RNF213: variants seen among roughly 807,000 people sequenced by gnomAD.
RNF213 encodes ring finger protein 213.
RNF213 carries 341 observed loss-of-function variants against 514.4 expected under a neutral mutation model. The ratio of observed to expected loss-of-function variants is 0.66; its 90% CI spans 0.61 to 0.73. The LOEUF is 0.73. Ranked by LOEUF, RNF213 falls within the 30% of genes least tolerant of loss-of-function variation. The probability of loss-of-function intolerance (pLI) is 0.00; values close to 1 mark genes in which losing one functional copy is unlikely to be tolerated. For synonymous variants in RNF213, 2,655 were observed against 2,658.2 expected, an observed-to-expected ratio of 1.00 and a Z score of 0.04; for missense variants, 5,767 against 6,615.6, an observed-to-expected ratio of 0.87 and a Z score of 4.45.
At position 80,363,158 on chromosome 17, in the gene RNF213, G is replaced by A. The variant is rs779622455; in HGVS notation, c.11412G>A (p.Ala3804=). Reference sequence around the variant, plus strand: ...GGAAACTGAAAGCGGCGTCAGAAGCGCCCGAGGAAGAGGTTTCCTTACCGT... The same window carrying A: ...GGAAACTGAAAGCGGCGTCAGAAGCACCCGAGGAAGAGGTTTCCTTACCGT... ...CTRKLKAASE[A]PEEEVSLPWV... Residue 3804 remains alanine, a synonymous_variant, in exon 40 of 68, where the codon GCG becomes GCA. Transcript: ENST00000582970. The A allele has an allele frequency of 1.1e-4, 174 of 1,614,230 alleles. 1 individual carries two copies. Among genetic ancestry groups the A allele is most frequent in the South Asian group, 8.2e-4 (75 of 91,086 alleles).
intron 63 of RNF213, among the ~76,000 whole-genome samples, chr17:80,388,169 T>A (rs975809463): frequency 1.3e-5 from 2 of 152,184 alleles, no homozygotes; most frequent in African/African-American, 4.8e-5. Context: ...TTTCACCATG[T>A]TAGCCAGGAT....
chr17:80,354,347 G>C (rs1184855857), intron 35 of RNF213, 94 bp from the exon 36 acceptor site: 33 of 1,595,080 alleles, frequency 2.1e-5, no homozygotes, highest in Non-Finnish European at 2.6e-5. Flanking sequence ...CCTGGCCAAC[G>C]GACTTCCCTT....
chr17:80,355,357 TGAACGG>T (rs2078703524), intron 36 of RNF213: 7 of 404,708 alleles, frequency 1.7e-5, no homozygotes, highest in African/African-American at 1.7e-4. Context: ...AGAAGCGGGG[TGAACGG>T]GAATGGGAGC....
intron 59 of RNF213, among the ~76,000 whole-genome samples, chr17:80,384,487 T>A (rs188891447): frequency 3.3e-4 from 51 of 152,292 alleles, no homozygotes; most frequent in African/African-American, 1.2e-3. Context: ...AACATTTCTC[T>A]CCATGGACTA....
chr17:80,360,329 CTTTG>C lies in RNF213; in HGVS notation c.11200+129_11200+132del, dbSNP rs146610940. 3.0e-3 allele frequency: 3,455 copies of C among 1,158,998 alleles called. 76 individuals are homozygous for C. The African/African-American group carries it at 0.045, about 15-fold the overall frequency. The allele number at this position is 1,158,998 out of a possible 1,614,324, so 71.8% of individuals were successfully genotyped here. ...AATTTTGGAGTTTTTAGTTTTCACACTTTGTTTGTGCAGTAAGCGTCCAATTTAC... is the reference window on the plus strand; with the variant it reads ...AATTTTGGAGTTTTTAGTTTTCACACTTTGTGCAGTAAGCGTCCAATTTAC... On this transcript the variant is annotated intron_variant, in intron 38 of 67. Coordinates refer to ENST00000582970, the MANE Select transcript of RNF213 (RefSeq NM_001256071.3).
chr17:80,344,412 T>G (rs2078246188), intron 28 of RNF213, among the ~76,000 whole-genome samples: 1 of 152,226 alleles, frequency 6.6e-6, no homozygotes, highest in Admixed American at 6.5e-5. Context: ...ACATACATAA[T>G]ACATGTATAG....
chr17:80,380,658 C>G (rs1449027582), intron 55 of RNF213, among the ~76,000 whole-genome samples, 173 bp from the exon 56 acceptor site: 4 of 152,156 alleles, frequency 2.6e-5, no homozygotes, highest in Admixed American at 1.3e-4. Context: ...ACCGGAAAGG[C>G]GAGTCTATCA....
intron 25 of RNF213, among the ~76,000 whole-genome samples, chr17:80,338,484 A>G (rs2078051868): frequency 6.6e-6 from 1 of 152,236 alleles, no homozygotes. Flanking sequence ...GTACTTTACA[A>G]ATGGTATCCT....
At chr17:80,274,969 G>T (rs111211101) in intron 3 of RNF213, among the ~76,000 whole-genome samples, 2 of 55,452 alleles carry the variant, frequency 3.6e-5, no homozygotes, top group East Asian at 7.5e-4. Context: ...TGTGTGTTGG[G>T]GTGTGTGTGT....
At chr17:80,351,948 G>A in intron 32 of RNF213, 145 bp downstream of exon 32, 1 of 544,936 alleles carries the variant, frequency 1.8e-6, no homozygotes, top group Non-Finnish European at 3.4e-6. Context: ...TCAATCTCCT[G>A]GGTTCAAGCG....
chr17:80,275,091 G>GGT (rs1263286656), intron 3 of RNF213, among the ~76,000 whole-genome samples: 1 of 142,278 alleles, frequency 7.0e-6, no homozygotes, highest in Non-Finnish European at 1.5e-5. Flanking sequence ...GGGTGTGTTG[G>GGT]GTGTGTGTGT....
intron 26 of RNF213, 36 bp downstream of exon 26, chr17:80,340,392 C>T: frequency 4.5e-6 from 7 of 1,552,920 alleles, no homozygotes; most frequent in Non-Finnish European, 6.1e-6. Flanking sequence ...GCCCCGTCTC[C>T]CAGGGACTGC....
At chr17:80,298,982 C>G (rs1401832320) in intron 11 of RNF213, among the ~76,000 whole-genome samples, 2 of 151,974 alleles carry the variant, frequency 1.3e-5, no homozygotes, top group East Asian at 3.9e-4. Context: ...CTGTCTAAAA[C>G]AAACAAACAA....
rs2078102980 is a variant in RNF213 at position 80,339,959 on chromosome 17, C to G, written c.5592C>G (p.Leu1864=). 6.5e-7 allele frequency: 1 copy of G among 1,537,100 alleles called. No homozygotes were observed. Among genetic ancestry groups the G allele is most frequent in the Non-Finnish European group, 8.7e-7 (1 of 1,146,922 alleles). The change falls in exon 26 of 68, where the codon CTC becomes CTG. Residue 1864 remains leucine, a synonymous_variant. Transcript: ENST00000582970. The part of the protein sequence containing the change: ...QPLPTYDEVL[L]CTPATTFEEV... ...TGCCCACTTACGATGAGGTGCTGCT[C>G]TGCACCCCGGCAACCACCTTTGAGG...
intron 3 of RNF213, among the ~76,000 whole-genome samples, chr17:80,277,776 C>T (rs994726424): frequency 2.0e-5 from 3 of 152,176 alleles, no homozygotes; most frequent in Non-Finnish European, 2.9e-5. Context: ...GCAGTGTATG[C>T]GTGAACGGTG....
chr17:80,332,757 G>T (rs1469960140), intron 21 of RNF213, 126 bp downstream of exon 21: 2 of 1,111,604 alleles, frequency 1.8e-6, no homozygotes, highest in Non-Finnish European at 2.5e-6. Context: ...AGGGGCTCCT[G>T]TGTGTGTGGT....
At chr17:80,312,044 C>A (rs901736923) in intron 14 of RNF213, among the ~76,000 whole-genome samples, 1 of 152,128 alleles carries the variant, frequency 6.6e-6, no homozygotes, top group African/African-American at 2.4e-5. Flanking sequence ...AGGAGGATCA[C>A]TTGAACCCAG....
intron 48 of RNF213, 63 bp from the exon 49 acceptor site, chr17:80,372,912 T>C: frequency 6.5e-7 from 1 of 1,546,312 alleles, no homozygotes; most frequent in East Asian, 2.4e-5. Flanking sequence ...TGGTTGGCCT[T>C]GTGTCCTACA....
At chr17:80,282,633 T>G (rs8077768) in intron 3 of RNF213, among the ~76,000 whole-genome samples, 3 of 151,854 alleles carry the variant, frequency 2.0e-5, no homozygotes, top group Non-Finnish European at 2.9e-5. Context: ...CTCCTGACCT[T>G]GTGATCCACC....
Sources: gnomAD v4.1 joint callset for allele counts (sites outside exome capture counted in the v4.1 genomes callset) on GRCh38, gnomAD v4.1.1 for gene constraint, MANE v1.5 for transcripts, NCBI Gene and HGNC (gene_info 2026-07-23, HGNC 2026-07-21) for gene names.